Variants in FHL2 observed in about 807,000 individuals in gnomAD.
FHL2 encodes four and a half LIM domains protein 2.
In FHL2, 20 loss-of-function variants were observed where a neutral mutation model predicts 32.7. The ratio of observed to expected loss-of-function variants is 0.61; its 90% confidence interval spans 0.43 to 0.89. FHL2 has a LOEUF of 0.89. FHL2 is among the 40% of genes least tolerant of loss of function. The probability of loss-of-function intolerance (pLI) is 0.00; values close to 1 mark genes in which losing one functional copy is unlikely to be tolerated. For synonymous variants in FHL2, 123 were observed against 128.1 expected, an observed-to-expected ratio of 0.96 and a Z score of 0.27; for missense variants, 311 against 358.6, an observed-to-expected ratio of 0.87 and a Z score of 1.07.
rs370063242 is a variant in FHL2 at position 105,423,418 on chromosome 2, C to T, written c.-25+14981G>A. Among the ~76,000 whole-genome samples the T allele has an allele frequency of 3.2e-4, 48 of 152,252 alleles. 1 individual carries two copies. The highest frequency in any genetic ancestry group is 2.2e-3 in the Admixed American group (33 of 15,296). On this transcript the variant is annotated intron_variant, in intron 1 of 5. Transcript: ENST00000393352. ...GACACATTTTGCTTGCCTGAGGCTTCGATGAAACTTCTGACAATATCAGGG... is the reference window on the plus strand; with the variant it reads ...GACACATTTTGCTTGCCTGAGGCTTTGATGAAACTTCTGACAATATCAGGG...
At chr2:105,415,871 T>G (rs1683917964) in intron 1 of FHL2, among the ~76,000 whole-genome samples, 1 of 152,204 alleles carries the variant, frequency 6.6e-6, no homozygotes, top group Non-Finnish European at 1.5e-5. Flanking sequence ...GCCCATATGG[T>G]ACAATTATCT....
intron 1 of FHL2, among the ~76,000 whole-genome samples, chr2:105,429,261 G>A (rs1192144028): frequency 5.3e-5 from 8 of 152,194 alleles, no homozygotes; most frequent in African/African-American, 1.2e-4. Flanking sequence ...GTAATTGGTA[G>A]CAAAATGATG....
chr2:105,386,243 C>T (rs1407666904), intron 3 of FHL2, 118 bp downstream of exon 3: 7 of 1,237,306 alleles, frequency 5.7e-6, no homozygotes, highest in Middle Eastern at 2.9e-4. Context: ...GTCCACGCCC[C>T]TCAGAGGGGG....
At chr2:105,417,022 T>C (rs1339511611) in intron 1 of FHL2, among the ~76,000 whole-genome samples, 1 of 152,238 alleles carries the variant, frequency 6.6e-6, no homozygotes, top group East Asian at 1.9e-4. Context: ...CTCAAGACAG[T>C]CACAGTTCTT....
chr2:105,383,563 G>A (rs1573334115), intron 3 of FHL2, among the ~76,000 whole-genome samples: 1 of 152,286 alleles, frequency 6.6e-6, no homozygotes, highest in East Asian at 1.9e-4. Flanking sequence ...CCATAGGCAT[G>A]CCAACATTTA....
intron 3 of FHL2, chr2:105,378,068 G>A (rs1160646616): frequency 1.1e-5 from 5 of 471,198 alleles, no homozygotes; most frequent in Non-Finnish European, 1.8e-5. Context: ...ACCACAGCCA[G>A]TGCTCCGGTC....
chr2:105,361,953 G>T (rs916498278), intron 6 of FHL2, among the ~76,000 whole-genome samples: 2 of 152,212 alleles, frequency 1.3e-5, no homozygotes, highest in Non-Finnish European at 2.9e-5. Context: ...TGAGAAAGCT[G>T]CAGACAGATA....
chr2:105,434,578 C>A lies in FHL2; in HGVS notation c.-25+3821G>T, dbSNP rs541642262. On this transcript the variant is annotated intron_variant, in intron 1 of 5. Coordinates refer to the FHL2 transcript ENST00000393352. ...GTGAGACTCCATCTCAAAAAAAAAA[C>A]AAAACAAACAAACAAAAAAAACAAG... is the stretch of plus-strand genomic sequence containing the variant. 6.2e-3 allele frequency among the ~76,000 whole-genome samples: 934 copies of A among 151,106 alleles called. 4 individuals carry two copies. The highest frequency in any genetic ancestry group is 0.011 in the Non-Finnish European group (766 of 67,736).
At chr2:105,423,567 G>C (rs528457955) in intron 1 of FHL2, among the ~76,000 whole-genome samples, 3 of 152,152 alleles carry the variant, frequency 2.0e-5, no homozygotes, top group Non-Finnish European at 4.4e-5. Context: ...GTTTATCTCT[G>C]TGTCTTGTCT....
chr2:105,406,421 G>C (rs1364531413), intron 1 of FHL2, among the ~76,000 whole-genome samples: 1 of 151,242 alleles, frequency 6.6e-6, no homozygotes, highest in African/African-American at 2.4e-5. Context: ...AACTATTCAT[G>C]TAGCCATCTT....
chr2:105,413,331 T>C (rs539410934), intron 1 of FHL2, among the ~76,000 whole-genome samples: 5 of 152,200 alleles, frequency 3.3e-5, no homozygotes, highest in Admixed American at 3.3e-4. Flanking sequence ...GATTTCTTTT[T>C]CTAGTCAGAC....
Position 105,386,468 on chromosome 2 carries a change from T to C in FHL2, c.49A>G (p.Lys17Glu), listed in dbSNP as rs780798030. 5.0e-6 allele frequency: 8 copies of C among 1,614,222 alleles called. No homozygotes were observed. Among genetic ancestry groups the C allele is most frequent in the Non-Finnish European group, 6.8e-6 (8 of 1,180,040 alleles). The change falls in exon 3 of 7, where the codon AAG (lysine) becomes GAG (glutamate). Residue 17 changes from lysine (K) to glutamate (E), a missense_variant. Transcript: ENST00000530340. ...CHHCNESLFG[K>E]KYILREESPY... ...CTCTCCTCCCGCAGGATGTACTTCT[T>C]GCCAAAGAGAGATTCGTTGCAATGG... is the stretch of plus-strand genomic sequence containing the variant.
intron 1 of FHL2, among the ~76,000 whole-genome samples, chr2:105,415,970 G>A (rs1384580122): frequency 6.6e-6 from 1 of 152,138 alleles, no homozygotes; most frequent in East Asian, 1.9e-4. Context: ...GAAACTGTGT[G>A]TGGAACCATA....
intron 5 of FHL2, among the ~76,000 whole-genome samples, chr2:105,364,526 C>CG (rs1359488873): frequency 1.3e-5 from 2 of 152,228 alleles, no homozygotes; most frequent in Non-Finnish European, 2.9e-5. Flanking sequence ...AACTGGCCAT[C>CG]AGTACCTCAA....
chr2:105,424,918 G>A (rs889650798), intron 1 of FHL2, among the ~76,000 whole-genome samples: 5 of 152,112 alleles, frequency 3.3e-5, no homozygotes, highest in Non-Finnish European at 2.9e-5. Context: ...AATACCTAAT[G>A]TAGATGATGG....
At position 105,366,944 on chromosome 2, in the gene FHL2, T is replaced by A. The variant is rs140752324; in HGVS notation, c.501+626A>T. On this transcript the variant is annotated intron_variant, in intron 5 of 6. Transcript: ENST00000530340. ...TATTTTTAGTAGAGATGGAGTTTCA[T>A]CATGTTGCCCAGGCTGGTCTTGAAC... Among the ~76,000 whole-genome samples, 1,333 of 152,154 alleles carry A rather than the reference T, an allele frequency of 8.8e-3. 18 individuals are homozygous for A. Among genetic ancestry groups the A allele is most frequent in the African/African-American group, 0.03 (1,247 of 41,536 alleles).
chr2:105,381,297 C>A (rs1337200984), intron 3 of FHL2, among the ~76,000 whole-genome samples: 3 of 152,132 alleles, frequency 2.0e-5, no homozygotes, highest in African/African-American at 7.2e-5. Context: ...GAAAAATGGA[C>A]AACAGCAGAA....
intron 1 of FHL2, among the ~76,000 whole-genome samples, chr2:105,424,284 C>G (rs557806154): frequency 6.6e-6 from 1 of 152,212 alleles, no homozygotes; most frequent in Non-Finnish European, 1.5e-5. Flanking sequence ...AAATGCTCAT[C>G]ATCACTGGCC....
intron 3 of FHL2, among the ~76,000 whole-genome samples, chr2:105,382,803 G>A (rs1002289481): frequency 3.9e-5 from 6 of 152,172 alleles, no homozygotes; most frequent in African/African-American, 9.7e-5. Flanking sequence ...TCTAGGTTAC[G>A]TGTGTCGCCC....
Sources: allele counts gnomAD v4.1 joint callset (sites outside exome capture counted in the v4.1 genomes callset), GRCh38; gene constraint gnomAD v4.1.1; transcripts MANE v1.5; gene names NCBI Gene and HGNC (gene_info 2026-07-23, HGNC 2026-07-21).